The following SPATA3 variants were observed in gnomAD, a reference collection of about 807,000 sequenced individuals.
SPATA3 encodes the protein spermatogenesis-associated protein 3.
Under a neutral mutation model 5.7 loss-of-function variants are expected in SPATA3, and 6 were observed. The ratio of observed to expected loss-of-function variants is 1.06; its 90% CI spans 0.58 to 2.09. The LOEUF is 2.09. SPATA3 is among the 30% of genes most tolerant of loss of function. The pLI is 0.00. For synonymous variants in SPATA3, 44 were observed against 48.4 expected (o/e 0.91, Z 0.37); for missense variants, 155 against 130.4 (o/e 1.19, Z -0.92).
chr2:231,018,409 G>A (rs555071511), intron 6 of SPATA3, among the ~76,000 whole-genome samples: 1 of 151,406 alleles, frequency 6.6e-6, no homozygotes, highest in South Asian at 2.1e-4. Context: ...ATAACCTATT[G>A]CCACCTCCCC....
chr2:231,011,092 AAAG>A (rs1399093855), downstream of SPATA3, among the ~76,000 whole-genome samples: 5,185 of 146,154 alleles, frequency 0.035, 264 homozygotes, highest in African/African-American at 0.094. Flanking sequence ...AAAAAAAAGA[AAAG>A]AAAAAGAAAG....
rs1452675582 is a variant in SPATA3 at position 231,000,344 on chromosome 2, C to T, written c.791-22C>T. On this transcript the variant is annotated intron_variant, in intron 1 of 2. Coordinates refer to ENST00000645363, the Ensembl canonical transcript of SPATA3. Reference sequence around the variant, plus strand: ...CTCCCAGGGCAGGTGCCTCCCTCACCTCTCTCCTTCTGTCCCCACAGGGCC... The same window carrying T: ...CTCCCAGGGCAGGTGCCTCCCTCACTTCTCTCCTTCTGTCCCCACAGGGCC... The T allele has an allele frequency of 1.0e-5, 15 of 1,443,448 alleles. No homozygotes were observed. The East Asian group carries it at 3.8e-4, about 36-fold the overall frequency. The allele number at this position is 1,443,448 out of a possible 1,614,324, so 89.4% of individuals were successfully genotyped here. A position where few individuals can be genotyped will look rare whatever the true frequency, so the allele number is the denominator to read the frequency against.
At chr2:231,009,035 G>C (rs571196487), downstream of SPATA3, among the ~76,000 whole-genome samples, 1 of 151,728 alleles carries the variant, frequency 6.6e-6, no homozygotes, top group Admixed American at 6.5e-5. Context: ...GGAAAATGCA[G>C]GGGGCTGATT....
intron 1 of SPATA3, 25 bp downstream of exon 1, chr2:230,996,559 G>C: frequency 6.5e-7 from 1 of 1,547,792 alleles, no homozygotes; most frequent in South Asian, 1.2e-5. Flanking sequence ...AGCTTCAGCA[G>C]TTCCAGCCTT....
intron 1 of SPATA3, among the ~76,000 whole-genome samples, chr2:230,997,279 T>A (rs189650315): frequency 3.9e-5 from 6 of 152,228 alleles, no homozygotes; most frequent in Admixed American, 3.3e-4. Flanking sequence ...GGAGTTTCCC[T>A]GCACAAACTC....
intron 1 of SPATA3, among the ~76,000 whole-genome samples, chr2:231,000,124 AT>A (rs1414466582): frequency 6.6e-6 from 1 of 152,034 alleles, no homozygotes; most frequent in East Asian, 1.9e-4. Context: ...TAAAACAGCC[AT>A]TTTCCCATGC....
At chr2:231,010,620 G>A (rs1015827263), downstream of SPATA3, among the ~76,000 whole-genome samples, 3 of 152,154 alleles carry the variant, frequency 2.0e-5, no homozygotes, top group Non-Finnish European at 4.4e-5. Context: ...GCTAGCCTTG[G>A]GGGAGATGGG....
chr2:231,007,248 CTT>C (rs1692660742), downstream of SPATA3: 1 of 151,698 alleles, frequency 6.6e-6, no homozygotes, highest in South Asian at 2.1e-4. Flanking sequence ...AGGGACCTCT[CTT>C]GTCACCAAAA....
At chr2:230,998,312 T>A (rs1315824526) in intron 1 of SPATA3, among the ~76,000 whole-genome samples, 3 of 152,252 alleles carry the variant, frequency 2.0e-5, no homozygotes. Context: ...ATATTGATTT[T>A]GAGCACCATA....
chr2:231,017,408 G>C (rs879270036), intron 6 of SPATA3, among the ~76,000 whole-genome samples: 2 of 152,220 alleles, frequency 1.3e-5, no homozygotes, highest in Non-Finnish European at 2.9e-5. Flanking sequence ...CATCCGGAGA[G>C]AGTGCCCACA....
exon 3 of SPATA3, chr2:231,002,718 G>A (rs372883037): frequency 1.7e-4 from 262 of 1,531,220 alleles, no homozygotes; most frequent in African/African-American, 1.6e-3. Flanking sequence ...TCATCGTAAC[G>A]CGTGTCCTCC....
At position 231,000,649 on chromosome 2, in the gene SPATA3, A is replaced by T. The variant is rs899619046; in HGVS notation, c.962+112A>T. ...ACTTCCTCTTGGGAATCCCAGGCCGAAGGAAAGCCTTTCTTTCCCTCTTTG... is the reference window on the plus strand; with the variant it reads ...ACTTCCTCTTGGGAATCCCAGGCCGTAGGAAAGCCTTTCTTTCCCTCTTTG... On this transcript the variant is annotated intron_variant, in intron 2 of 2. Transcript: ENST00000645363. The T allele has an allele frequency of 7.0e-6, 8 of 1,142,644 alleles. No homozygotes were observed. In the African/African-American group the frequency reaches 1.3e-4, roughly 18 times the overall value. The allele number at this position is 1,142,644 out of a possible 1,614,324, so 70.8% of individuals were successfully genotyped here.
At chr2:231,002,588 A>G (rs1692393638) in intron 2 of SPATA3, 96 bp from the exon 3 acceptor site, 1 of 684,728 alleles carries the variant, frequency 1.5e-6, no homozygotes, top group African/African-American at 1.9e-5. Context: ...TATTCCTGCA[A>G]TCCTGAGGGG....
At chr2:231,019,446 C>G (rs893741047) in intron 6 of SPATA3, among the ~76,000 whole-genome samples, 3 of 148,298 alleles carry the variant, frequency 2.0e-5, no homozygotes, top group African/African-American at 7.4e-5. Flanking sequence ...GCCTCAGCCT[C>G]CCGAGTAGCT....
At chr2:231,003,551 G>T (rs966572375), downstream of SPATA3, among the ~76,000 whole-genome samples, 1 of 152,228 alleles carries the variant, frequency 6.6e-6, no homozygotes, top group South Asian at 2.1e-4. Context: ...TGATGACACA[G>T]AGTTAGTCTC....
intron 2 of SPATA3, 98 bp from the exon 3 acceptor site, chr2:231,002,586 C>T: frequency 3.1e-6 from 2 of 649,938 alleles, no homozygotes; most frequent in East Asian, 6.6e-5. Context: ...GGTATTCCTG[C>T]AATCCTGAGG....
chr2:230,998,673 A>T (rs150612607), intron 1 of SPATA3, among the ~76,000 whole-genome samples: 1 of 152,244 alleles, frequency 6.6e-6, no homozygotes, highest in Non-Finnish European at 1.5e-5. Flanking sequence ...ATTGTAGCTC[A>T]AGAAAATGCC....
At chr2:231,009,182 G>A (rs976123817), downstream of SPATA3, among the ~76,000 whole-genome samples, 1 of 152,186 alleles carries the variant, frequency 6.6e-6, no homozygotes, top group African/African-American at 2.4e-5. Context: ...GGGAATGGAC[G>A]CTGGGCAGCT....
exon 6 of SPATA3, chr2:231,014,014 G>C (rs1692862211): frequency 6.6e-6 from 1 of 152,034 alleles, no homozygotes; most frequent in Non-Finnish European, 1.5e-5. Context: ...TAACCAGGGT[G>C]ACTGCACCTC....
Sources: gnomAD v4.1 joint callset for allele counts (sites outside exome capture counted in the v4.1 genomes callset) on GRCh38, gnomAD v4.1.1 for gene constraint, MANE v1.5 for transcripts, NCBI Gene and HGNC (gene_info 2026-07-23, HGNC 2026-07-21) for gene names.